IGFBP2: variants seen among roughly 807,000 people sequenced by gnomAD.
IGFBP2 encodes the protein insulin-like growth factor-binding protein 2.
In IGFBP2, 12 loss-of-function variants were observed where a neutral mutation model predicts 26.2. The ratio of observed to expected loss-of-function variants is 0.46; its 90% confidence interval spans 0.29 to 0.74. The LOEUF (loss-of-function observed/expected upper bound fraction) is 0.74. Ranked by LOEUF, IGFBP2 falls within the 30% of genes least tolerant of loss-of-function variation. IGFBP2 has a pLI of 0.09. For missense variants in IGFBP2, 328 were observed against 441.2 expected, an observed-to-expected ratio of 0.74 and a Z score of 2.30; for synonymous variants, 189 against 200.6, an observed-to-expected ratio of 0.94 and a Z score of 0.49.
chr2:216,642,234 A>C (rs1169667144), intron 1 of IGFBP2, among the ~76,000 whole-genome samples: 2 of 145,230 alleles, frequency 1.4e-5, no homozygotes, highest in Non-Finnish European at 3.0e-5. Context: ...TCTTGACCTC[A>C]TGATCCGCCC....
Position 216,664,180 on chromosome 2 carries a change from G to A in IGFBP2, c.*76G>A. 1 of 1,257,086 alleles carries A rather than the reference G, an allele frequency of 8.0e-7. No individual in the cohort carries two copies. Among genetic ancestry groups the A allele is most frequent in the South Asian group, 1.6e-5 (1 of 62,960 alleles). The allele number at this position is 1,257,086 out of a possible 1,614,324, so 77.9% of individuals were successfully genotyped here. A position where few individuals can be genotyped will look rare whatever the true frequency, so the allele number is the denominator to read the frequency against. On this transcript the variant is annotated 3_prime_UTR_variant, in exon 4 of 4. Coordinates refer to ENST00000233809, the MANE Select transcript of IGFBP2 (RefSeq NM_000597.3). The surrounding 1 kb of genome is among the most constrained non-coding windows in gnomAD (Gnocchi z 4.6). ...ACCGGCAGAAAACGGAGAGTGCTTG[G>A]GTGGTGGGTGCTGGAGGATTTTCCA...
intron 1 of IGFBP2, among the ~76,000 whole-genome samples, chr2:216,655,901 A>G (rs959326480): frequency 2.0e-5 from 3 of 150,330 alleles, no homozygotes; most frequent in African/African-American, 5.0e-5. Context: ...TCTCAAAAAA[A>G]CAAAAAAAAA....
intron 3 of IGFBP2, 177 bp from the exon 4 acceptor site, chr2:216,663,763 A>T (rs957612313): frequency 2.6e-5 from 16 of 614,386 alleles, no homozygotes; most frequent in Non-Finnish European, 4.0e-5. Flanking sequence ...CCAGGGACCT[A>T]CTGCATGGGA....
At position 216,633,719 on chromosome 2, in the gene IGFBP2, G is replaced by T; in HGVS notation, c.196G>T (p.Ala66Ser). ...GGTTGCGCCGCCCGCCGCGGTGGCC[G>T]CAGTGGCCGGAGGCGCCCGCATGCC... ...PPVAPPAAVA[A>S]VAGGARMPCA... Residue 66 changes from alanine (A) to serine (S), a missense_variant, in exon 1 of 4, where the codon GCA becomes TCA. Physicochemically the swap from Ala to Ser is moderately conservative, Grantham distance 99 (BLOSUM62 1). Coordinates refer to ENST00000233809, the MANE Select transcript of IGFBP2 (RefSeq NM_000597.3). The T allele has an allele frequency of 2.5e-6, 3 of 1,213,976 alleles. No homozygotes were observed. Among genetic ancestry groups the T allele is most frequent in the Non-Finnish European group, 3.1e-6 (3 of 977,922 alleles). 75.2% of individuals were successfully genotyped at this position (1,213,976 alleles called of 1,614,324 possible).
intron 1 of IGFBP2, among the ~76,000 whole-genome samples, chr2:216,643,206 T>C (rs998346114): frequency 6.6e-5 from 10 of 152,160 alleles, no homozygotes; most frequent in Non-Finnish European, 1.5e-4. Context: ...AAAAGTGATA[T>C]GTTCTTGCTA....
chr2:216,660,878 G>A, intron 2 of IGFBP2, 92 bp downstream of exon 2: 1 of 966,298 alleles, frequency 1.0e-6, no homozygotes, highest in Non-Finnish European at 1.6e-6. Context: ...ACCCTCATCT[G>A]GTGTGACCTG....
chr2:216,661,267 C>T, intron 2 of IGFBP2: 1 of 253,888 alleles, frequency 3.9e-6, no homozygotes, highest in Non-Finnish European at 7.7e-6. Flanking sequence ...CACACCTGGC[C>T]AGTTTTGTAT....
At chr2:216,651,026 T>TA (rs997829464) in intron 1 of IGFBP2, among the ~76,000 whole-genome samples, 2 of 152,138 alleles carry the variant, frequency 1.3e-5, no homozygotes, top group Non-Finnish European at 2.9e-5. Context: ...TGCCAGCCTA[T>TA]ACCGCGACAG....
chr2:216,655,399 A>C (rs940137194), intron 1 of IGFBP2, among the ~76,000 whole-genome samples: 1 of 152,008 alleles, frequency 6.6e-6, no homozygotes, highest in Non-Finnish European at 1.5e-5. Flanking sequence ...CTGAGATCTG[A>C]TGGTTTTATA....
intron 1 of IGFBP2, among the ~76,000 whole-genome samples, chr2:216,651,393 G>A (rs376474590): frequency 2.6e-5 from 4 of 152,216 alleles, no homozygotes; most frequent in African/African-American, 7.2e-5. Flanking sequence ...TTTCTTGTAT[G>A]TGCTGGCGTG....
At chr2:216,657,873 T>C (rs1697948105) in intron 1 of IGFBP2, among the ~76,000 whole-genome samples, 1 of 152,266 alleles carries the variant, frequency 6.6e-6, no homozygotes, top group Non-Finnish European at 1.5e-5. Flanking sequence ...AAAATATTTT[T>C]CCAGGTTTCA....
At position 216,655,377 on chromosome 2, in the gene IGFBP2, G is replaced by A. The variant is rs565835241; in HGVS notation, c.443-5180G>A. On this transcript the variant is annotated intron_variant, in intron 1 of 3. Coordinates refer to ENST00000233809, the MANE Select transcript of IGFBP2 (RefSeq NM_000597.3). Reference sequence around the variant, plus strand: ...TCCCCCATGTTGTTCTCGTGATAGCGAGTGAGTTCTCCTGAGATCTGATGG... The same window carrying A: ...TCCCCCATGTTGTTCTCGTGATAGCAAGTGAGTTCTCCTGAGATCTGATGG... Among the ~76,000 whole-genome samples, 7 of 152,256 alleles carry A rather than the reference G, an allele frequency of 4.6e-5. No homozygotes were observed. The East Asian group carries it at 9.7e-4, about 21-fold the overall frequency.
chr2:216,651,389 G>T (rs1335388083), intron 1 of IGFBP2, among the ~76,000 whole-genome samples: 2 of 152,230 alleles, frequency 1.3e-5, no homozygotes, highest in African/African-American at 2.4e-5. Flanking sequence ...GCTGTTTCTT[G>T]TATGTGCTGG....
intron 1 of IGFBP2, among the ~76,000 whole-genome samples, chr2:216,642,585 C>T (rs981008838): frequency 4.6e-5 from 7 of 152,104 alleles, no homozygotes; most frequent in East Asian, 1.9e-4. Context: ...GGATTGCAGG[C>T]GTGAGCTACC....
chr2:216,652,510 T>C (rs2106200190), intron 1 of IGFBP2, among the ~76,000 whole-genome samples: 1 of 152,306 alleles, frequency 6.6e-6, no homozygotes, highest in East Asian at 1.9e-4. Flanking sequence ...TTTTCAGACT[T>C]GAGAAATTAG....
At chr2:216,658,160 T>G (rs530193792) in intron 1 of IGFBP2, among the ~76,000 whole-genome samples, 2 of 152,340 alleles carry the variant, frequency 1.3e-5, no homozygotes, top group African/African-American at 4.8e-5. Flanking sequence ...ATTTGATCCT[T>G]CTTGCTACTG....
intron 1 of IGFBP2, among the ~76,000 whole-genome samples, chr2:216,650,920 A>T (rs1381475833): frequency 6.6e-6 from 1 of 152,136 alleles, no homozygotes; most frequent in Non-Finnish European, 1.5e-5. Flanking sequence ...GAGAAGGAAT[A>T]GGAAGGGAGT....
intron 3 of IGFBP2, chr2:216,663,688 G>A: frequency 4.9e-6 from 2 of 407,682 alleles, no homozygotes; most frequent in South Asian, 4.6e-5. Flanking sequence ...TAATCAGAGG[G>A]GTCCCTGGGC....
chr2:216,637,208 C>T (rs937916315), intron 1 of IGFBP2, among the ~76,000 whole-genome samples: 6 of 152,204 alleles, frequency 3.9e-5, no homozygotes, highest in Admixed American at 2.0e-4. Context: ...TCCCCTCCCC[C>T]CATCTGGACA....
Sources: gnomAD v4.1 joint callset for allele counts (sites outside exome capture counted in the v4.1 genomes callset) on GRCh38, gnomAD v4.1.1 for gene constraint, Gnocchi (gnomAD v3.1) non-coding constraint, MANE v1.5 for transcripts, NCBI Gene and HGNC (gene_info 2026-07-23, HGNC 2026-07-21) for gene names.